Variants in ZCCHC10 observed in about 807,000 individuals in gnomAD.
The protein encoded by ZCCHC10 is zinc finger CCHC-type containing 10, also known as zinc finger CCHC domain-containing protein 10.
In ZCCHC10, 16 loss-of-function variants were observed where a neutral mutation model predicts 19.5. That is an observed-to-expected ratio of 0.82 (90% CI 0.56 to 1.25). The LOEUF is 1.25. ZCCHC10 is among the 50% of genes most tolerant of loss of function. The pLI, the probability that ZCCHC10 is intolerant of heterozygous loss-of-function variation, is 0.00. For synonymous variants in ZCCHC10, 67 were observed against 72.5 expected (o/e 0.92, Z 0.38); for missense variants, 197 against 201.0 (o/e 0.98, Z 0.12).
chr5:133,019,920 C>G (rs1764187049), intron 2 of ZCCHC10, among the ~76,000 whole-genome samples: 1 of 147,082 alleles, frequency 6.8e-6, no homozygotes, highest in Admixed American at 6.8e-5. Flanking sequence ...CCTCTGCACT[C>G]TAGCCTGGGT....
At chr5:133,025,817 A>C (rs552617378) in intron 1 of ZCCHC10, among the ~76,000 whole-genome samples, 6 of 152,010 alleles carry the variant, frequency 3.9e-5, no homozygotes, top group African/African-American at 1.4e-4. Flanking sequence ...ACAACAGCTT[A>C]CTTCCTTCAA....
rs1384346371 is a variant in ZCCHC10, at chr5:132,997,542, T to C, written c.*1041A>G. ...AACCTTTCATGCTAGATTTCAACTA[T>C]GTATATCCTATGTAAACACACCAGA... On this transcript the variant is annotated 3_prime_UTR_variant, in exon 5 of 5. Coordinates refer to ENST00000509437, the MANE Select transcript of ZCCHC10 (RefSeq NM_001300816.3). The C allele has an allele frequency of 6.6e-6, 1 of 152,184 alleles. No individual in the cohort carries two copies. Among genetic ancestry groups the C allele is most frequent in the Non-Finnish European group, 1.5e-5 (1 of 68,014 alleles). 9.4% of individuals were successfully genotyped at this position (152,184 alleles called of 1,614,324 possible). A position where few individuals can be genotyped will look rare whatever the true frequency, so the allele number is the denominator to read the frequency against.
intron 2 of ZCCHC10, among the ~76,000 whole-genome samples, chr5:133,008,623 G>A (rs1306422140): frequency 6.6e-6 from 1 of 151,816 alleles, no homozygotes; most frequent in African/African-American, 2.4e-5. Context: ...CCAGCATTTT[G>A]GGAGGCCACG....
chr5:133,020,430 C>A (rs1336179471), intron 2 of ZCCHC10, among the ~76,000 whole-genome samples: 1 of 151,830 alleles, frequency 6.6e-6, no homozygotes, highest in Non-Finnish European at 1.5e-5. Flanking sequence ...GGCCACAGAG[C>A]AAGACTCTGT....
chr5:132,998,422 T>TA lies in ZCCHC10; in HGVS notation c.*160dup. Reference sequence around the variant, plus strand: ...ATAAAAGTCTCTCTCTATAAGCCATTATTAATATTCTCTATGCTCTTACAA... The same window carrying TA: ...ATAAAAGTCTCTCTCTATAAGCCATTAATTAATATTCTCTATGCTCTTACAA... On this transcript the variant is annotated 3_prime_UTR_variant, in exon 5 of 5. Coordinates refer to ENST00000509437, the MANE Select transcript of ZCCHC10 (RefSeq NM_001300816.3). The TA allele has an allele frequency of 1.6e-6, 1 of 627,326 alleles. No homozygotes were observed. Among genetic ancestry groups the TA allele is most frequent in the Non-Finnish European group, 2.7e-6 (1 of 369,662 alleles). 38.9% of individuals were successfully genotyped at this position (627,326 alleles called of 1,614,324 possible).
intron 2 of ZCCHC10, among the ~76,000 whole-genome samples, chr5:133,008,749 C>T (rs968260423): frequency 5.9e-5 from 9 of 151,762 alleles, no homozygotes; most frequent in Non-Finnish European, 1.0e-4. Context: ...TGGTGGTTCA[C>T]GCTTGTAATC....
intron 2 of ZCCHC10, among the ~76,000 whole-genome samples, chr5:133,017,942 G>C (rs1052988953): frequency 6.6e-6 from 1 of 151,906 alleles, no homozygotes; most frequent in African/African-American, 2.4e-5. Flanking sequence ...CCAGGAGTTC[G>C]AGACTAGCCT....
intron 2 of ZCCHC10, chr5:133,011,486 T>G (rs1326001306): frequency 6.6e-6 from 1 of 151,766 alleles, no homozygotes; most frequent in Admixed American, 6.6e-5. Context: ...TTTAGCTGCG[T>G]GCAGTGGTAG....
intron 2 of ZCCHC10, among the ~76,000 whole-genome samples, chr5:133,014,351 G>T (rs1466281355): frequency 2.6e-5 from 4 of 151,764 alleles, no homozygotes; most frequent in African/African-American, 9.7e-5. Flanking sequence ...TTTAGTAAAG[G>T]GGGGGTTTCC....
At chr5:133,007,011 T>A (rs1561539070) in intron 2 of ZCCHC10, 91 bp from the exon 3 acceptor site, 7 of 1,248,348 alleles carry the variant, frequency 5.6e-6, no homozygotes, top group Non-Finnish European at 5.4e-6. Flanking sequence ...GATAAAATTA[T>A]GTTTACTCTT....
chr5:133,009,712 G>C (rs1197797300), intron 2 of ZCCHC10, among the ~76,000 whole-genome samples: 1 of 151,358 alleles, frequency 6.6e-6, no homozygotes, highest in Admixed American at 6.6e-5. Flanking sequence ...TCTGTCCATC[G>C]CAACAGGGTA....
chr5:133,010,650 T>C (rs989695239), intron 2 of ZCCHC10, among the ~76,000 whole-genome samples: 2 of 152,122 alleles, frequency 1.3e-5, no homozygotes, highest in African/African-American at 4.8e-5. Flanking sequence ...CGTATTTTGT[T>C]TGTAGAGATG....
At chr5:133,019,042 G>C (rs972756997) in intron 2 of ZCCHC10, 1 of 448,396 alleles carries the variant, frequency 2.2e-6, no homozygotes, top group African/African-American at 2.0e-5. Flanking sequence ...ACATTCTGGA[G>C]TTTGTTTTTT....
chr5:133,013,075 AAT>A (rs1156923631), intron 2 of ZCCHC10, among the ~76,000 whole-genome samples: 97 of 145,888 alleles, frequency 6.6e-4, no homozygotes, highest in African/African-American at 2.3e-3. Flanking sequence ...AAAAAAAAAA[AAT>A]AATAAATAAA....
At chr5:133,013,767 G>A (rs1354433546) in intron 2 of ZCCHC10, among the ~76,000 whole-genome samples, 1 of 150,306 alleles carries the variant, frequency 6.7e-6, no homozygotes, top group Non-Finnish European at 1.5e-5. Flanking sequence ...ATCCACTATT[G>A]ATAAGAATAC....
At chr5:132,998,917 ATTT>A in intron 4 of ZCCHC10, 67 bp from the exon 5 acceptor site, 2 of 1,441,394 alleles carry the variant, frequency 1.4e-6, no homozygotes, top group East Asian at 2.5e-5. Context: ...AAGCAATTTC[ATTT>A]TTTTTTTCTT....
At chr5:133,009,613 C>CAAAAAAAAAAAA (rs59555378) in intron 2 of ZCCHC10, among the ~76,000 whole-genome samples, 5 of 55,536 alleles carry the variant, frequency 9.0e-5, no homozygotes, top group Non-Finnish European at 1.8e-4. Flanking sequence ...GACTCCGTCT[C>CAAAAAAAAAAAA]AAAAAAAAAA....
chr5:133,016,828 A>G lies in ZCCHC10; in HGVS notation c.107+6013T>C, dbSNP rs115372069. Reference sequence around the variant, plus strand: ...ATTACTTATTTGGTCAATTCCCCTTATGTAACCAATTGCCCATTGTTGCCA... The same window carrying G: ...ATTACTTATTTGGTCAATTCCCCTTGTGTAACCAATTGCCCATTGTTGCCA... On this transcript the variant is annotated intron_variant, in intron 2 of 4. Transcript: ENST00000509437. 2.0e-3 allele frequency among the ~76,000 whole-genome samples: 300 copies of G among 152,072 alleles called. 1 individual carries two copies. Among genetic ancestry groups the G allele is most frequent in the Non-Finnish European group, 3.3e-3 (225 of 67,994 alleles).
chr5:133,004,417 A>G (rs1253362974), intron 3 of ZCCHC10, among the ~76,000 whole-genome samples: 1 of 151,824 alleles, frequency 6.6e-6, no homozygotes, highest in Non-Finnish European at 1.5e-5. Context: ...CAGGTGATCC[A>G]CCCGCCTTGG....
Sources: allele counts gnomAD v4.1 joint callset (sites outside exome capture counted in the v4.1 genomes callset), GRCh38; gene constraint gnomAD v4.1.1; transcripts MANE v1.5; gene names NCBI Gene and HGNC (gene_info 2026-07-23, HGNC 2026-07-21).